The following LRCH1 variants were observed in gnomAD, a reference collection of about 807,000 sequenced individuals.
LRCH1 encodes the protein leucine rich repeats and calponin homology domain containing 1.
In LRCH1, 23 loss-of-function variants were observed where a neutral mutation model predicts 94.9. That is an observed-to-expected ratio of 0.24 (90% CI 0.17 to 0.34). LRCH1 has a LOEUF of 0.34. LRCH1 is among the 10% of genes least tolerant of loss of function. LRCH1 has a pLI of 1.00. For synonymous variants in LRCH1, 364 were observed against 354.9 expected, an observed-to-expected ratio of 1.03 and a Z score of -0.29; for missense variants, 790 against 945.9, an observed-to-expected ratio of 0.84 and a Z score of 2.16.
chr13:46,698,214 C>T (rs1165071514), intron 9 of LRCH1, among the ~76,000 whole-genome samples: 1 of 152,190 alleles, frequency 6.6e-6, no homozygotes, highest in Non-Finnish European at 1.5e-5. Flanking sequence ...ACTGGCTGGT[C>T]CCCAGTTAGC....
Position 46,742,290 on chromosome 13 carries a change from G to A in LRCH1, c.*442G>A, listed in dbSNP as rs1873703061. 8.8e-6 allele frequency: 9 copies of A among 1,020,910 alleles called. No homozygotes were observed. In the South Asian group the frequency reaches 2.8e-4, roughly 32 times the overall value. The allele number at this position is 1,020,910 out of a possible 1,614,324, so 63.2% of individuals were successfully genotyped here. A position where few individuals can be genotyped will look rare whatever the true frequency, so the allele number is the denominator to read the frequency against. The stretch of plus-strand genomic sequence containing the variant: ...TAATTCGGGACTGGGCAATTGAGCT[G>A]TATAGGGGCCACCTTGCAGGGAGGA... On this transcript the variant is annotated 3_prime_UTR_variant, in exon 20 of 20. Transcript: ENST00000389797.
At chr13:46,584,637 C>G (rs1336643231) in intron 1 of LRCH1, among the ~76,000 whole-genome samples, 2 of 152,216 alleles carry the variant, frequency 1.3e-5, no homozygotes, top group African/African-American at 4.8e-5. Flanking sequence ...TCTCTACACT[C>G]CGTGTTTTTC....
exon 19 of LRCH1, chr13:46,752,190 T>G (rs1271441120): frequency 7.2e-5 from 11 of 152,300 alleles, no homozygotes; most frequent in Non-Finnish European, 1.5e-5. Context: ...TCCATGCATG[T>G]GCACTCACGC....
intron 3 of LRCH1, among the ~76,000 whole-genome samples, chr13:46,676,957 T>C (rs986159652): frequency 6.6e-6 from 1 of 152,092 alleles, no homozygotes; most frequent in Non-Finnish European, 1.5e-5. Context: ...TTTTAAGTCT[T>C]TTTGTAGAGT....
In LRCH1 at chr13:46,619,690, CGGATGAAGA is replaced by C. The variant is rs551728084; in HGVS notation, c.308-30508_308-30500del. On this transcript the variant is annotated intron_variant, in intron 1 of 19. Transcript: ENST00000389797. ...GAAATCAGAAGGGAAGGTGGGCATT[CGGATGAAGA>C]GGCTGTCGGACTTGCATTACTTTGA... is the stretch of plus-strand genomic sequence containing the variant. Among the ~76,000 whole-genome samples, 764 of 152,220 alleles carry C rather than the reference CGGATGAAGA, an allele frequency of 5.0e-3. 4 individuals carry two copies. The highest frequency in any genetic ancestry group is 0.018 in the African/African-American group (728 of 41,538).
At chr13:46,571,818 TG>T (rs778381985) in intron 1 of LRCH1, among the ~76,000 whole-genome samples, 1 of 151,958 alleles carries the variant, frequency 6.6e-6, no homozygotes, top group African/African-American at 2.4e-5. Flanking sequence ...ATAACACTTA[TG>T]GGGTTGCTGT....
chr13:46,689,520 T>C (rs541198024), intron 7 of LRCH1, among the ~76,000 whole-genome samples: 1 of 152,156 alleles, frequency 6.6e-6, no homozygotes, highest in Non-Finnish European at 1.5e-5. Context: ...AGTACGCAAG[T>C]GCCCGTGAAG....
intron 2 of LRCH1, among the ~76,000 whole-genome samples, chr13:46,664,916 TTCTC>T (rs1319320946): frequency 1.3e-5 from 2 of 152,196 alleles, no homozygotes; most frequent in African/African-American, 4.8e-5. Context: ...CAGGTGGCCT[TTCTC>T]TCTTTATCTC....
intron 1 of LRCH1, among the ~76,000 whole-genome samples, chr13:46,621,740 G>A (rs372931351): frequency 3.3e-5 from 5 of 152,100 alleles, no homozygotes; most frequent in African/African-American, 9.7e-5. Context: ...TATATAAAGC[G>A]CAGTATAATA....
At chr13:46,713,769 C>T (rs187093442) in intron 15 of LRCH1, among the ~76,000 whole-genome samples, 1 of 152,296 alleles carries the variant, frequency 6.6e-6, no homozygotes, top group Non-Finnish European at 1.5e-5. Context: ...TCCACGGTCT[C>T]AGGTGTGTCC....
At chr13:46,564,473 C>A (rs1194474341) in intron 1 of LRCH1, among the ~76,000 whole-genome samples, 2 of 152,158 alleles carry the variant, frequency 1.3e-5, no homozygotes, top group African/African-American at 2.4e-5. Flanking sequence ...GAAAATAATT[C>A]TCTCCCCTCT....
rs565451566 is a variant in LRCH1 at position 46,732,865 on chromosome 13, C to T, written c.2008-1056C>T. 7.2e-5 allele frequency among the ~76,000 whole-genome samples: 11 copies of T among 152,322 alleles called. 1 individual carries two copies. In the East Asian group the frequency reaches 2.1e-3, roughly 29 times the overall value. On this transcript the variant is annotated intron_variant, in intron 18 of 19. Coordinates refer to ENST00000389797, the MANE Select transcript of LRCH1 (RefSeq NM_001164211.2). ...CCACCGAAGCAGCTGCTGGCGACAT[C>T]TCTTTAGGGCCCACGTGAGGGACGT...
intron 1 of LRCH1, among the ~76,000 whole-genome samples, chr13:46,560,633 A>G (rs2050120226): frequency 6.6e-6 from 1 of 152,208 alleles, no homozygotes. Flanking sequence ...TAGGAAGCCT[A>G]GCTTCTGTTA....
chr13:46,635,977 C>T (rs998055757), intron 1 of LRCH1, among the ~76,000 whole-genome samples: 2 of 150,608 alleles, frequency 1.3e-5, no homozygotes, highest in African/African-American at 4.9e-5. Flanking sequence ...CCTCTCCTTT[C>T]AGTCTCTCTC....
In LRCH1 at chr13:46,650,287, A is replaced by G. The variant is rs1221356833; in HGVS notation, c.394A>G (p.Ile132Val). 4.3e-6 allele frequency: 7 copies of G among 1,611,812 alleles called. No individual in the cohort carries two copies. The highest frequency in any genetic ancestry group is 2.7e-5 in the African/African-American group (2 of 74,842). The change falls in exon 2 of 20, where the codon ATC (isoleucine) becomes GTC (valine). Residue 132 changes from isoleucine (I) to valine (V), a missense_variant. Physicochemically the swap from Ile to Val is conservative, Grantham distance 29. Transcript: ENST00000389797. ...AATTCTTAATCTGTATCACAACTGT[A>G]TCAGAGTCATTCCTGAGGCCATCGT... ...LEILNLYHNC[I>V]RVIPEAIVNL... is the part of the protein sequence containing the mutation.
At chr13:46,667,298 G>A (rs538557112) in intron 2 of LRCH1, among the ~76,000 whole-genome samples, 3 of 152,212 alleles carry the variant, frequency 2.0e-5, no homozygotes, top group Non-Finnish European at 4.4e-5. Flanking sequence ...CACAGCACCT[G>A]CTTTTTCTGA....
chr13:46,648,283 T>C (rs1188115435), intron 1 of LRCH1, among the ~76,000 whole-genome samples: 2 of 152,164 alleles, frequency 1.3e-5, no homozygotes, highest in African/African-American at 4.8e-5. Flanking sequence ...GCTCAGGCAG[T>C]AATGTGAGCA....
intron 1 of LRCH1, among the ~76,000 whole-genome samples, chr13:46,614,472 A>G (rs1172867807): frequency 1.3e-5 from 2 of 152,242 alleles, no homozygotes; most frequent in African/African-American, 4.8e-5. Context: ...GAAAATAAAG[A>G]AATGTCAGAT....
In LRCH1 at chr13:46,741,726, G is replaced by C. The variant is rs1343738619; in HGVS notation, c.2170G>C (p.Glu724Gln). Reference sequence around the variant, plus strand: ...TGTTGACACTCTGCTGGCACTCGGGGAGAAAGCCCCACCACCAACTTCTGC... The same window carrying C: ...TGTTGACACTCTGCTGGCACTCGGGCAGAAAGCCCCACCACCAACTTCTGC... ...KTVDTLLALG[E>Q]KAPPPTSALR... Residue 724 changes from glutamate to glutamine, a missense_variant, in exon 20 of 20, where the codon GAG becomes CAG. Glu to Gln is a conservative substitution (Grantham distance 29). Coordinates refer to ENST00000389797, the MANE Select transcript of LRCH1 (RefSeq NM_001164211.2). 2 of 1,614,218 alleles carry C rather than the reference G, an allele frequency of 1.2e-6. No homozygotes were observed. The highest frequency in any genetic ancestry group is 3.3e-5 in the Admixed American group (2 of 60,028).
Sources: allele counts gnomAD v4.1 joint callset (sites outside exome capture counted in the v4.1 genomes callset), GRCh38; gene constraint gnomAD v4.1.1; transcripts MANE v1.5; gene names NCBI Gene and HGNC (gene_info 2026-07-23, HGNC 2026-07-21).